HIPK2: variants seen among roughly 807,000 people sequenced by gnomAD.
HIPK2 encodes the protein homeodomain-interacting protein kinase 2.
In HIPK2, 27 loss-of-function variants were observed where a neutral mutation model predicts 113.7. The observed-to-expected ratio is 0.24, with a 90% CI of 0.17 to 0.33. The LOEUF is 0.33. HIPK2 is among the 10% of genes least tolerant of loss of function. The pLI is 1.00. For missense variants in HIPK2, 1,257 were observed against 1,588.0 expected, an observed-to-expected ratio of 0.79 and a Z score of 3.54; for synonymous variants, 631 against 642.2, an observed-to-expected ratio of 0.98 and a Z score of 0.26.
At chr7:139,581,562 G>C (rs1798669218) in intron 13 of HIPK2, among the ~76,000 whole-genome samples, 1 of 152,218 alleles carries the variant, frequency 6.6e-6, no homozygotes, top group Admixed American at 6.5e-5. Flanking sequence ...AGTATGGCGG[G>C]GAAACAGCAG....
intron 13 of HIPK2, among the ~76,000 whole-genome samples, chr7:139,578,390 C>T (rs930243196): frequency 1.6e-4 from 25 of 152,184 alleles, no homozygotes; most frequent in African/African-American, 6.0e-4. Flanking sequence ...AAGTGATTTG[C>T]CTGCCTCAGC....
At position 139,707,016 on chromosome 7, in the gene HIPK2, C is replaced by A. The variant is rs896504598; in HGVS notation, c.1103+8916G>T. Among the ~76,000 whole-genome samples the A allele has an allele frequency of 3.3e-5, 5 of 152,320 alleles. No homozygotes were observed. In the East Asian group the frequency reaches 9.7e-4, roughly 30 times the overall value. ...AAGCAAAGCCACAGGGGAGTTAACA[C>A]CCTGGGGAGCCCTCAACCCCTGCGA... On this transcript the variant is annotated intron_variant, in intron 2 of 14. Transcript: ENST00000406875.
chr7:139,697,122 G>T (rs1438636214), intron 2 of HIPK2, among the ~76,000 whole-genome samples: 1 of 152,158 alleles, frequency 6.6e-6, no homozygotes. Context: ...CCCCCTGCCA[G>T]GGATCAGTCC....
At chr7:139,650,521 G>C in intron 2 of HIPK2, among the ~76,000 whole-genome samples, 1 of 150,822 alleles carries the variant, frequency 6.6e-6, no homozygotes, top group East Asian at 2.0e-4. Flanking sequence ...ATAAGGGACC[G>C]ACTGAGGGTT....
At chr7:139,601,533 G>A (rs771742334) in intron 10 of HIPK2, among the ~76,000 whole-genome samples, 10 of 152,190 alleles carry the variant, frequency 6.6e-5, no homozygotes, top group Admixed American at 1.3e-4. Context: ...TTAATTACAC[G>A]CTTGCTGAAT....
At chr7:139,770,448 G>A (rs981771134) in intron 1 of HIPK2, among the ~76,000 whole-genome samples, 2 of 152,220 alleles carry the variant, frequency 1.3e-5, no homozygotes, top group Non-Finnish European at 2.9e-5. Flanking sequence ...TTGGACGAAT[G>A]ATTTTACTTG....
chr7:139,676,987 G>A (rs12334089), intron 2 of HIPK2, among the ~76,000 whole-genome samples: 19,692 of 151,186 alleles, frequency 0.13, 3,360 homozygotes, highest in African/African-American at 0.39. Flanking sequence ...TCAGCCTCCC[G>A]AGTAGCTGGG....
At chr7:139,762,667 CGATT>C (rs1168797830) in intron 1 of HIPK2, among the ~76,000 whole-genome samples, 1 of 152,198 alleles carries the variant, frequency 6.6e-6, no homozygotes, top group Non-Finnish European at 1.5e-5. Context: ...GCAATTTCCT[CGATT>C]GCAGTTTCAT....
chr7:139,609,527 G>T (rs975108778), intron 9 of HIPK2, among the ~76,000 whole-genome samples: 1 of 152,146 alleles, frequency 6.6e-6, no homozygotes, highest in African/African-American at 2.4e-5. Context: ...TCAACTTTTT[G>T]AATACATTTA....
At chr7:139,749,338 A>G (rs879278302) in intron 1 of HIPK2, among the ~76,000 whole-genome samples, 1 of 152,274 alleles carries the variant, frequency 6.6e-6, no homozygotes, top group Non-Finnish European at 1.5e-5. Flanking sequence ...TGTCTGGGTT[A>G]TAAGACACAG....
At chr7:139,632,871 A>T (rs1232765873) in intron 2 of HIPK2, among the ~76,000 whole-genome samples, 1 of 152,102 alleles carries the variant, frequency 6.6e-6, no homozygotes, top group African/African-American at 2.4e-5. Context: ...TGAACCCAGG[A>T]GTTCAAGAGC....
Position 139,601,418 on chromosome 7 carries a change from C to T in HIPK2, c.2256-822G>A, listed in dbSNP as rs190184300. On this transcript the variant is annotated intron_variant, in intron 10 of 14. Coordinates refer to ENST00000406875, the MANE Select transcript of HIPK2 (RefSeq NM_022740.5). Reference sequence around the variant, plus strand: ...AATTATACTTTACGTGAAAAACAAACTTTGAAGCCTGGGAGCCATATGCTT... The same window carrying T: ...AATTATACTTTACGTGAAAAACAAATTTTGAAGCCTGGGAGCCATATGCTT... Among the ~76,000 whole-genome samples the T allele has an allele frequency of 4.6e-3, 694 of 152,238 alleles. 7 individuals are homozygous for T. Among genetic ancestry groups the T allele is most frequent in the African/African-American group, 0.016 (651 of 41,550 alleles).
intron 2 of HIPK2, among the ~76,000 whole-genome samples, chr7:139,702,841 T>C (rs993233397): frequency 6.1e-4 from 93 of 152,338 alleles, no homozygotes; most frequent in African/African-American, 2.2e-3. Flanking sequence ...TTGTCACTTC[T>C]CTGTTTCTAG....
Position 139,592,968 on chromosome 7 carries a change from G to A in HIPK2, c.2717+3749C>T, listed in dbSNP as rs1799077838. ...AAGAGCTGACTCCGCCCTTCTCAGT[G>A]CCATGGCTCCAGCACTCTGACAAAC... On this transcript the variant is annotated intron_variant, in intron 12 of 14. Coordinates refer to ENST00000406875, the MANE Select transcript of HIPK2 (RefSeq NM_022740.5). Among the ~76,000 whole-genome samples, 3 of 152,154 alleles carry A rather than the reference G, an allele frequency of 2.0e-5. No homozygotes were observed. The South Asian group carries it at 6.2e-4, about 32-fold the overall frequency.
chr7:139,731,693 C>T (rs1346010282), intron 1 of HIPK2, among the ~76,000 whole-genome samples: 1 of 152,156 alleles, frequency 6.6e-6, no homozygotes, highest in Non-Finnish European at 1.5e-5. Context: ...ACAGTGATGC[C>T]GGGGATGTGA....
intron 2 of HIPK2, among the ~76,000 whole-genome samples, chr7:139,644,786 A>C (rs542342762): frequency 5.9e-5 from 9 of 152,278 alleles, no homozygotes; most frequent in African/African-American, 2.2e-4. Flanking sequence ...TGGAATTTCA[A>C]TTCCTGTGGA....
chr7:139,713,611 T>C (rs1184819000), intron 2 of HIPK2, among the ~76,000 whole-genome samples: 1 of 152,240 alleles, frequency 6.6e-6, no homozygotes, highest in African/African-American at 2.4e-5. Context: ...CAAGTCGCCA[T>C]GCTAGCTTTC....
At chr7:139,762,458 G>A (rs1221218609) in intron 1 of HIPK2, among the ~76,000 whole-genome samples, 1 of 152,188 alleles carries the variant, frequency 6.6e-6, no homozygotes, top group Non-Finnish European at 1.5e-5. Context: ...GAGACCAGCA[G>A]GATTGAATGC....
intron 6 of HIPK2, among the ~76,000 whole-genome samples, chr7:139,624,082 G>A (rs1262183674): frequency 1.3e-5 from 2 of 151,574 alleles, no homozygotes; most frequent in Non-Finnish European, 2.9e-5. Flanking sequence ...GAGTGCAGTG[G>A]CACTATCTCA....
Sources: allele counts gnomAD v4.1 joint callset (sites outside exome capture counted in the v4.1 genomes callset), GRCh38; gene constraint gnomAD v4.1.1; transcripts MANE v1.5; gene names NCBI Gene and HGNC (gene_info 2026-07-23, HGNC 2026-07-21).